The following PDE4C variants were observed in gnomAD, a reference collection of about 807,000 sequenced individuals.
PDE4C encodes 3',5'-cyclic-AMP phosphodiesterase 4C.
Under a neutral mutation model 63.9 loss-of-function variants are expected in PDE4C, and 50 were observed. The ratio of observed to expected loss-of-function variants is 0.78; its 90% CI spans 0.62 to 0.99. The LOEUF (loss-of-function observed/expected upper bound fraction) is 0.99. Ranked by LOEUF, PDE4C falls within the 50% of genes least tolerant of loss-of-function variation. The probability of loss-of-function intolerance (pLI) is 0.00; values close to 1 mark genes in which losing one functional copy is unlikely to be tolerated. For synonymous variants in PDE4C, 377 were observed against 385.1 expected (o/e 0.98, Z 0.25); for missense variants, 777 against 899.1 (o/e 0.86, Z 1.74).
exon 15 of PDE4C, chr19:18,211,185 T>C: frequency 6.2e-7 from 1 of 1,614,080 alleles, no homozygotes; most frequent in Non-Finnish European, 8.5e-7. Context: ...TCGATTGTCC[T>C]CCAGCGTGTC....
rs751575271 is a variant in PDE4C, at chr19:18,219,400, G to A, written c.707-3C>T. ...CAGCTCCACCTCGGTCTGCTGGTCT[G>A]CGGATGGGCCAGGGTGAAGCTCAGA... is the stretch of plus-strand genomic sequence containing the variant. On this transcript the variant is annotated splice_region_variant and splice_polypyrimidine_tract_variant and intron_variant, in intron 7 of 14. Coordinates refer to ENST00000262805, the Ensembl canonical transcript of PDE4C. 1 of 1,598,074 alleles carries A rather than the reference G, an allele frequency of 6.3e-7. No individual in the cohort carries two copies. The highest frequency in any genetic ancestry group is 1.1e-5 in the South Asian group (1 of 88,554).
intron 11 of PDE4C, 171 bp from the exon 12 acceptor site, chr19:18,217,066 G>A: frequency 1.5e-6 from 1 of 656,588 alleles, no homozygotes; most frequent in Non-Finnish European, 2.5e-6. Context: ...TGACTGCAGG[G>A]CTAGGGTTGT....
intron 1 of PDE4C, among the ~76,000 whole-genome samples, chr19:18,223,343 T>C (rs933687773): frequency 5.3e-5 from 8 of 152,150 alleles, no homozygotes; most frequent in Non-Finnish European, 1.2e-4. Context: ...CCCAAGGAGC[T>C]GGGATTACAG....
At chr19:18,224,347 C>G in intron 1 of PDE4C, 2 of 985,470 alleles carry the variant, frequency 2.0e-6, no homozygotes, top group Non-Finnish European at 2.4e-6. Flanking sequence ...CTGGTCCCGG[C>G]CAAGACTTTT....
chr19:18,241,251 TCTTG>T (rs1435381884), intron 1 of PDE4C, among the ~76,000 whole-genome samples: 1 of 129,782 alleles, frequency 7.7e-6, no homozygotes, highest in Non-Finnish European at 1.6e-5. Context: ...TTTTTTCTTC[TCTTG>T]TTTTTTTTTT....
At chr19:18,214,380 G>A (rs1452759781) in intron 12 of PDE4C, among the ~76,000 whole-genome samples, 1 of 152,116 alleles carries the variant, frequency 6.6e-6, no homozygotes, top group Non-Finnish European at 1.5e-5. Flanking sequence ...ACAGTGGGGA[G>A]GATGAGTTCT....
upstream of PDE4C, among the ~76,000 whole-genome samples, chr19:18,229,647 T>TA (rs1968810030): frequency 6.6e-6 from 1 of 152,130 alleles, no homozygotes; most frequent in Admixed American, 6.6e-5. Context: ...GAGATTTTTT[T>TA]AAATGGGTGT....
chr19:18,241,228 T>TTTTC (rs1206034165), intron 1 of PDE4C, among the ~76,000 whole-genome samples: 3 of 151,220 alleles, frequency 2.0e-5, no homozygotes, highest in Non-Finnish European at 4.4e-5. Context: ...TTCTTTTTTC[T>TTTTC]TTTCTTTCTT....
rs757922084 is a variant in PDE4C, at chr19:18,220,897, G to C, written c.476C>G (p.Ser159Cys). Residue 159 changes from serine to cysteine, a missense_variant, in exon 5 of 15, where the codon TCC becomes TGC. Ser to Cys is a moderately radical substitution (Grantham distance 112). This residue lies in a region of PDE4C where 249 missense variants were observed against 247.8 expected (regional missense o/e 1.00). Coordinates refer to ENST00000262805, the Ensembl canonical transcript of PDE4C. The surrounding 1 kb of genome is among the most constrained non-coding windows in gnomAD (Gnocchi z 5.1). Reference sequence around the variant, plus strand: ...ACCTGCAGGAGGGAGCTGATTGCTGGATGAAGGGTTTCCGACGGGTCCCTG... The same window carrying C: ...ACCTGCAGGAGGGAGCTGATTGCTGCATGAAGGGTTTCCGACGGGTCCCTG... The C allele has an allele frequency of 6.2e-7, 1 of 1,608,670 alleles. No homozygotes were observed. The highest frequency in any genetic ancestry group is 1.7e-5 in the Admixed American group (1 of 59,042).
Position 18,242,823 on chromosome 19 carries a change from C to T in PDE4C, c.-210+5348G>A, listed in dbSNP as rs138204829. ...AAAAAAGGGAATTGGGAGCCAAGGG[C>T]CAGGGTGGAGGGAAGTTCATTGCTT... On this transcript the variant is annotated intron_variant, in intron 1 of 15. Coordinates refer to the PDE4C transcript ENST00000594617. Among the ~76,000 whole-genome samples the T allele has an allele frequency of 9.6e-3, 1,419 of 147,098 alleles. 30 individuals carry two copies. Among genetic ancestry groups the T allele is most frequent in the African/African-American group, 0.032 (1,297 of 40,010 alleles).
chr19:18,213,398 G>T (rs1443938851), exon 13 of PDE4C: 5 of 1,613,880 alleles, frequency 3.1e-6, no homozygotes, highest in Middle Eastern at 1.7e-4. Flanking sequence ...TGTCCAGGAG[G>T]AGGACACCGA....
chr19:18,238,943 A>G (rs1226471729), intron 1 of PDE4C, among the ~76,000 whole-genome samples: 1 of 151,652 alleles, frequency 6.6e-6, no homozygotes, highest in Non-Finnish European at 1.5e-5. Context: ...GTGAGTGGAG[A>G]CCACACCACT....
rs1968395032 is a variant in PDE4C, at chr19:18,220,229, G to C, written c.703C>G (p.Leu235Val). The C allele has an allele frequency of 6.2e-7, 1 of 1,613,192 alleles. No individual in the cohort carries two copies. The highest frequency in any genetic ancestry group is 1.1e-5 in the South Asian group (1 of 91,072). ...GCAGTGACTCAACAAAGCTCACCCA[G>C]GAAGGTCCGGGAGATGTACTCGGAC... The change falls in exon 7 of 15, where the codon CTG becomes GTG. Residue 235 changes from leucine to valine, a missense_variant. Transcript: ENST00000262805. The surrounding 1 kb of genome is among the most constrained non-coding windows in gnomAD (Gnocchi z 5.1).
At chr19:18,246,000 T>C (rs968191918) in intron 1 of PDE4C, among the ~76,000 whole-genome samples, 1 of 148,892 alleles carries the variant, frequency 6.7e-6, no homozygotes, top group Admixed American at 6.7e-5. Context: ...CCTGCCACCA[T>C]GCCCAGCTAA....
At chr19:18,209,643 C>A (rs919002805), downstream of PDE4C, 7 of 150,926 alleles carry the variant, frequency 4.6e-5, no homozygotes, top group African/African-American at 1.7e-4. Flanking sequence ...CCCCACTCAG[C>A]CTCCCAAAGT....
intron 1 of PDE4C, 149 bp from the exon 2 acceptor site, chr19:18,222,472 C>T: frequency 1.6e-6 from 1 of 642,282 alleles, no homozygotes; most frequent in South Asian, 1.9e-5. Context: ...CAGCTACACC[C>T]TCAGGAACCC....
At chr19:18,211,804 G>T (rs768572866) in exon 14 of PDE4C, 66 of 1,614,146 alleles carry the variant, frequency 4.1e-5, no homozygotes, top group Non-Finnish European at 5.4e-5. Context: ...ACATGGGACT[G>T]ATGTCCAGGC....
chr19:18,238,777 G>T (rs1381106458), intron 1 of PDE4C, among the ~76,000 whole-genome samples: 1 of 151,932 alleles, frequency 6.6e-6, no homozygotes, highest in Non-Finnish European at 1.5e-5. Flanking sequence ...TGGATCACAA[G>T]GTCAGGAATT....
chr19:18,245,831 C>T (rs1969118644), intron 1 of PDE4C, among the ~76,000 whole-genome samples: 1 of 152,000 alleles, frequency 6.6e-6, no homozygotes, highest in African/African-American at 2.4e-5. Flanking sequence ...TCAGAAGGTC[C>T]TTTATTTATT....
Sources: allele counts gnomAD v4.1 joint callset (sites outside exome capture counted in the v4.1 genomes callset), GRCh38; gene constraint gnomAD v4.1.1; regional missense constraint gnomAD v4.1.1; non-coding constraint Gnocchi (gnomAD v3.1); transcripts MANE v1.5; gene names NCBI Gene and HGNC (gene_info 2026-07-23, HGNC 2026-07-21).